The following CHRM5 variants were observed in gnomAD, a reference collection of about 807,000 sequenced individuals.
CHRM5 encodes muscarinic acetylcholine receptor M5.
In CHRM5, 18 loss-of-function variants were observed where a neutral mutation model predicts 39.0. The ratio of observed to expected loss-of-function variants is 0.46; its 90% CI spans 0.32 to 0.68. CHRM5 has a LOEUF of 0.68. CHRM5 is among the 30% of genes least tolerant of loss of function. The pLI is 0.04. For synonymous variants in CHRM5, 241 were observed against 246.3 expected, an observed-to-expected ratio of 0.98 and a Z score of 0.20; for missense variants, 515 against 651.1, an observed-to-expected ratio of 0.79 and a Z score of 2.28.
intron 1 of CHRM5, among the ~76,000 whole-genome samples, chr15:34,043,687 A>G (rs780316577): frequency 2.0e-5 from 3 of 152,230 alleles, no homozygotes; most frequent in Non-Finnish European, 4.4e-5. Context: ...AGTCATGATT[A>G]GAGAACTCCT....
Position 34,062,651 on chromosome 15 carries a change from C to G in CHRM5, c.-67C>G, listed in dbSNP as rs1425403902. On this transcript the variant is annotated 5_prime_UTR_variant, in exon 3 of 3. Coordinates refer to ENST00000383263, the MANE Select transcript of CHRM5 (RefSeq NM_012125.4). ...GTTTCCCTCTCTTCCAGATGCTGGC[C>G]AAGAAGAGCTGAAATAGAAAACAGC... 2.0e-6 allele frequency: 3 copies of G among 1,478,410 alleles called. No homozygotes were observed. The highest frequency in any genetic ancestry group is 4.1e-5 in the Admixed American group (2 of 48,892). The allele number at this position is 1,478,410 out of a possible 1,614,324, so 91.6% of individuals were successfully genotyped here.
At position 34,063,545 on chromosome 15, in the gene CHRM5, G is replaced by A. The variant is rs1183222862; in HGVS notation, c.828G>A (p.Arg276=). 1.9e-6 allele frequency: 3 copies of A among 1,613,570 alleles called. No homozygotes were observed. The highest frequency in any genetic ancestry group is 2.2e-5 in the East Asian group (1 of 44,868). The change falls in exon 3 of 3, where the codon AGG becomes AGA. Residue 276 remains arginine (R), a synonymous_variant. Coordinates refer to ENST00000383263, the MANE Select transcript of CHRM5 (RefSeq NM_012125.4). The surrounding 1 kb of genome is among the most constrained non-coding windows in gnomAD (Gnocchi z 4.1). ...RNQASWSSSR[R]STSTTGKPSQ... ...AGGCCTCCTGGTCATCCTCCCGCAG[G>A]AGCACCTCCACCACTGGGAAGCCAT...
intron 2 of CHRM5, among the ~76,000 whole-genome samples, chr15:34,053,749 C>T (rs1055510596): frequency 7.9e-5 from 12 of 152,080 alleles, no homozygotes; most frequent in Middle Eastern, 3.4e-3. Flanking sequence ...TAGGCAATAC[C>T]GTTCAGGACA....
intron 1 of CHRM5, among the ~76,000 whole-genome samples, chr15:33,982,664 G>C (rs1479782414): frequency 6.6e-6 from 1 of 152,124 alleles, no homozygotes. Flanking sequence ...TTTAGTAATG[G>C]AAACAAGAAT....
intron 1 of CHRM5, among the ~76,000 whole-genome samples, chr15:33,977,876 G>T (rs548056137): frequency 2.0e-5 from 3 of 151,832 alleles, no homozygotes; most frequent in Non-Finnish European, 4.4e-5. Flanking sequence ...GGTCAAAGCC[G>T]CAGCAAGCTG....
intron 1 of CHRM5, among the ~76,000 whole-genome samples, chr15:34,042,244 A>G (rs1318612821): frequency 6.6e-6 from 1 of 152,226 alleles, no homozygotes; most frequent in African/African-American, 2.4e-5. Flanking sequence ...GATTTTAAAC[A>G]TATGCCATTG....
Position 34,048,410 on chromosome 15 carries a change from C to T in CHRM5, c.-76+1539C>T, listed in dbSNP as rs183271324. On this transcript the variant is annotated intron_variant, in intron 2 of 2. Transcript: ENST00000383263. ...CCTGACAAGGAAGGGTCCCCCACAA[C>T]GAGCACAGCTGCTTTGCCAGATCAT... Among the ~76,000 whole-genome samples the T allele has an allele frequency of 5.9e-4, 89 of 150,100 alleles. 1 individual carries two copies. Among genetic ancestry groups the T allele is most frequent in the Admixed American group, 1.9e-3 (28 of 15,056 alleles).
rs1899698439 is a variant in CHRM5 at position 34,046,711 on chromosome 15, G to C, written c.-236G>C. The C allele has an allele frequency of 6.6e-6, 1 of 152,268 alleles. No individual in the cohort carries two copies. Among genetic ancestry groups the C allele is most frequent in the African/African-American group, 2.4e-5 (1 of 41,472 alleles). 9.4% of individuals were successfully genotyped at this position (152,268 alleles called of 1,614,324 possible). ...TCATGCAAAGGAATGAAAGGTGTGA[G>C]TGAATACAGCGCCTTCAACTGAAAT... On this transcript the variant is annotated 5_prime_UTR_variant, in exon 2 of 3. Coordinates refer to ENST00000383263, the MANE Select transcript of CHRM5 (RefSeq NM_012125.4).
At chr15:34,000,339 T>C (rs1897090394) in intron 1 of CHRM5, among the ~76,000 whole-genome samples, 1 of 152,204 alleles carries the variant, frequency 6.6e-6, no homozygotes, top group Non-Finnish European at 1.5e-5. Flanking sequence ...TCTAAGCCAA[T>C]AGCTGGAACA....
intron 1 of CHRM5, among the ~76,000 whole-genome samples, chr15:33,998,723 A>C (rs1897029341): frequency 6.6e-6 from 1 of 152,192 alleles, no homozygotes; most frequent in African/African-American, 2.4e-5. Context: ...TGCATTTGAT[A>C]CAGATCTCTC....
At chr15:34,055,426 A>G (rs936648902) in intron 2 of CHRM5, among the ~76,000 whole-genome samples, 7 of 152,090 alleles carry the variant, frequency 4.6e-5, no homozygotes, top group South Asian at 2.1e-4. Context: ...AATCTCCTGG[A>G]TCCGGGAGGA....
intron 1 of CHRM5, among the ~76,000 whole-genome samples, chr15:34,026,372 C>A (rs1898472317): frequency 6.6e-6 from 1 of 151,892 alleles, no homozygotes; most frequent in South Asian, 2.1e-4. Context: ...TAACTTTTAA[C>A]CTTAGGATAT....
intron 1 of CHRM5, among the ~76,000 whole-genome samples, chr15:34,020,546 C>A (rs1291823790): frequency 6.6e-6 from 1 of 152,152 alleles, no homozygotes; most frequent in Non-Finnish European, 1.5e-5. Flanking sequence ...GCAGAACATC[C>A]CCTCTTCTCA....
At chr15:34,035,977 A>T (rs546353136) in intron 1 of CHRM5, among the ~76,000 whole-genome samples, 21 of 152,062 alleles carry the variant, frequency 1.4e-4, no homozygotes, top group Admixed American at 8.5e-4. Flanking sequence ...TATTTTTTTT[A>T]TAGAGAGGGG....
At chr15:33,983,204 A>G (rs964043325) in intron 1 of CHRM5, among the ~76,000 whole-genome samples, 60 of 15,834 alleles carry the variant, frequency 3.8e-3, no homozygotes, top group African/African-American at 0.017. Context: ...GTGTGTGTAT[A>G]TATATATATA....
chr15:34,039,411 G>GAA (rs11422920), intron 1 of CHRM5, among the ~76,000 whole-genome samples: 18 of 151,490 alleles, frequency 1.2e-4, no homozygotes, highest in South Asian at 2.1e-4. Flanking sequence ...TGAACTCTCG[G>GAA]AAAAAAAAAG....
chr15:34,038,680 CGCG>C, intron 1 of CHRM5: 1 of 1,046,406 alleles, frequency 9.6e-7, no homozygotes, highest in Non-Finnish European at 1.2e-6. Context: ...GCCCGTCTGG[CGCG>C]CGCCTGGCAC....
intron 1 of CHRM5, chr15:34,006,911 C>G (rs1897378367): frequency 3.8e-6 from 1 of 266,090 alleles, no homozygotes; most frequent in East Asian, 1.8e-4. Context: ...TGCAAAGCCT[C>G]AATATGGAGA....
rs66519745 is a variant in CHRM5, at chr15:34,029,517, CAAAAAAA to C, written c.-407-17005_-407-16999del. Among the ~76,000 whole-genome samples, 210 of 118,684 alleles carry C rather than the reference CAAAAAAA, an allele frequency of 1.8e-3. 1 individual carries two copies. The East Asian group carries it at 0.02, about 11-fold the overall frequency. The allele number at this position is 118,684 out of a possible 152,430, so 77.9% of individuals were successfully genotyped here. On this transcript the variant is annotated intron_variant, in intron 1 of 2. Coordinates refer to ENST00000383263, the MANE Select transcript of CHRM5 (RefSeq NM_012125.4). ...GCAACATAGGTAGACCCTATTTCTA[CAAAAAAA>C]AAAAAAAAAAAAAAAAATTGAAAAG... is the stretch of plus-strand genomic sequence containing the variant.
Sources: gnomAD v4.1 joint callset for allele counts (sites outside exome capture counted in the v4.1 genomes callset) on GRCh38, gnomAD v4.1.1 for gene constraint, Gnocchi (gnomAD v3.1) non-coding constraint, MANE v1.5 for transcripts, NCBI Gene and HGNC (gene_info 2026-07-23, HGNC 2026-07-21) for gene names.